The following SYK variants were observed in gnomAD, a reference collection of about 807,000 sequenced individuals.
The protein encoded by SYK is tyrosine-protein kinase SYK.
Under a neutral mutation model 77.8 loss-of-function variants are expected in SYK, and 16 were observed. The observed-to-expected ratio is 0.21, with a 90% CI of 0.14 to 0.31. The LOEUF is 0.31. Ranked by LOEUF, SYK falls within the 10% of genes least tolerant of loss-of-function variation. The pLI is 1.00. For synonymous variants in SYK, 312 were observed against 308.7 expected (o/e 1.01, Z -0.11); for missense variants, 529 against 814.4 (o/e 0.65, Z 4.26).
intron 3 of SYK, among the ~76,000 whole-genome samples, chr9:90,859,222 A>G (rs1353127676): frequency 6.6e-6 from 1 of 152,144 alleles, no homozygotes; most frequent in East Asian, 1.9e-4. Flanking sequence ...ACTCATACCC[A>G]TCTGTACAGC....
chr9:90,878,679 C>T lies in SYK; in HGVS notation c.1392-85C>T, dbSNP rs1291354007. The stretch of plus-strand genomic sequence containing the variant: ...TAAGAAGAGGGAAGGAGTAGATTCA[C>T]CCACTGCCTGCGTGAGGAGCATGGT... On this transcript the variant is annotated intron_variant, in intron 10 of 13. Coordinates refer to ENST00000375754, the MANE Select transcript of SYK (RefSeq NM_003177.7). The T allele has an allele frequency of 7.8e-6, 9 of 1,158,292 alleles. No individual in the cohort carries two copies. The East Asian group carries it at 1.4e-4, about 18-fold the overall frequency. 71.8% of individuals were successfully genotyped at this position (1,158,292 alleles called of 1,614,324 possible).
intron 11 of SYK, 39 bp from the exon 12 acceptor site, chr9:90,887,710 T>G: frequency 6.4e-7 from 1 of 1,573,130 alleles, no homozygotes; most frequent in Non-Finnish European, 8.7e-7. Flanking sequence ...GCCCACAATT[T>G]TATTCTTAAT....
chr9:90,829,028 C>A (rs894923507), intron 1 of SYK, among the ~76,000 whole-genome samples: 1 of 152,206 alleles, frequency 6.6e-6, no homozygotes, highest in South Asian at 2.1e-4. Flanking sequence ...CAGAGGCTCA[C>A]GCCTGTAATC....
chr9:90,818,349 C>T (rs1825372776), intron 1 of SYK, among the ~76,000 whole-genome samples: 1 of 152,146 alleles, frequency 6.6e-6, no homozygotes, highest in Admixed American at 6.5e-5. Context: ...TTCAGAATGA[C>T]CAAAAAAGTT....
At chr9:90,828,235 G>GCCCCCCCCCCCCCCCC (rs60327886) in intron 1 of SYK, among the ~76,000 whole-genome samples, 1 of 55,442 alleles carries the variant, frequency 1.8e-5, no homozygotes, top group Non-Finnish European at 3.7e-5. Context: ...CCTCACCCCC[G>GCCCCCCCCCCCCCCCC]CCCCCCCCCC....
At chr9:90,882,417 A>T (rs1175712702) in intron 11 of SYK, among the ~76,000 whole-genome samples, 1 of 152,190 alleles carries the variant, frequency 6.6e-6, no homozygotes, top group African/African-American at 2.4e-5. Flanking sequence ...TTTTCACTGA[A>T]ATCATGTCCC....
At chr9:90,845,038 C>G (rs1226502543) in intron 2 of SYK, among the ~76,000 whole-genome samples, 1 of 152,104 alleles carries the variant, frequency 6.6e-6, no homozygotes, top group Admixed American at 6.5e-5. Flanking sequence ...AAGGTTCAAG[C>G]GATTCTACTG....
intron 3 of SYK, among the ~76,000 whole-genome samples, chr9:90,859,016 G>C (rs1371882790): frequency 6.6e-6 from 1 of 152,194 alleles, no homozygotes; most frequent in Non-Finnish European, 1.5e-5. Context: ...GGCACTCTCT[G>C]TTTCCTCTGG....
intron 11 of SYK, among the ~76,000 whole-genome samples, chr9:90,881,906 T>A (rs115652389): frequency 4.1e-4 from 62 of 152,130 alleles, no homozygotes; most frequent in Admixed American, 1.2e-3. Flanking sequence ...ATCTGGAAAC[T>A]GCCTGACGAC....
intron 1 of SYK, among the ~76,000 whole-genome samples, chr9:90,818,075 C>T (rs534700171): frequency 6.6e-5 from 10 of 152,278 alleles, no homozygotes; most frequent in African/African-American, 2.4e-4. Context: ...AGCCAGTCCC[C>T]ACTAAGGGTC....
intron 7 of SYK, 80 bp downstream of exon 7, chr9:90,867,279 C>T (rs891062487): frequency 1.0e-5 from 14 of 1,405,628 alleles, no homozygotes; most frequent in Non-Finnish European, 1.4e-5. Flanking sequence ...CCAGTCTGCC[C>T]TGTGTGTGCG....
intron 3 of SYK, 35 bp from the exon 4 acceptor site, chr9:90,862,171 G>C (rs200780774): frequency 1.9e-6 from 3 of 1,562,780 alleles, no homozygotes; most frequent in Non-Finnish European, 2.6e-6. Context: ...AGACTGGCGG[G>C]CCTGGGGATG....
chr9:90,812,751 G>GTT (rs1554704345), intron 1 of SYK, among the ~76,000 whole-genome samples: 6 of 87,610 alleles, frequency 6.8e-5, no homozygotes, highest in Non-Finnish European at 7.9e-5. Context: ...ATGTGTGTGT[G>GTT]TGTGTGTGTG....
chr9:90,877,908 C>CCTGAGTATGGACCAATAA, intron 10 of SYK, 128 bp downstream of exon 10: 1 of 876,210 alleles, frequency 1.1e-6, no homozygotes, highest in Non-Finnish European at 1.8e-6. Flanking sequence ...TTTATTGGTC[C>CCTGAGTATGGACCAATAA]ATACTCAGGG....
Position 90,887,858 on chromosome 9 carries a change from A to C in SYK, c.1691A>C (p.Glu564Ala). ...DVWSFGVLMW[E>A]AFSYGQKPYR... ...TGGAGCTTTGGAGTGTTGATGTGGG[A>C]AGCATTCTCCTATGGGCAGAAGCCA... is the stretch of plus-strand genomic sequence containing the variant. Residue 564 changes from glutamate (E) to alanine (A), a missense_variant, in exon 12 of 14, where the codon GAA becomes GCA. Coordinates refer to ENST00000375754, the MANE Select transcript of SYK (RefSeq NM_003177.7). 1.2e-6 allele frequency: 2 copies of C among 1,612,296 alleles called. No individual in the cohort carries two copies. Among genetic ancestry groups the C allele is most frequent in the Non-Finnish European group, 1.7e-6 (2 of 1,179,166 alleles).
intron 13 of SYK, among the ~76,000 whole-genome samples, chr9:90,890,297 GC>G (rs1299964043): frequency 6.6e-6 from 1 of 152,174 alleles, no homozygotes; most frequent in African/African-American, 2.4e-5. Context: ...GATAGGGGCT[GC>G]TGGGCCGACC....
Position 90,884,583 on chromosome 9 carries a change from A to C in SYK, c.1582-3166A>C, listed in dbSNP as rs569329201. The stretch of plus-strand genomic sequence containing the variant: ...TATGTGTACATGTACATACATACAC[A>C]TACACATATGTGTACATGTACATAT... On this transcript the variant is annotated intron_variant, in intron 11 of 13. Transcript: ENST00000375754. 2.3e-5 allele frequency among the ~76,000 whole-genome samples: 2 copies of C among 87,974 alleles called. 1 individual carries two copies. The highest frequency in any genetic ancestry group is 4.5e-5 in the Non-Finnish European group (2 of 44,266). The allele number at this position is 87,974 out of a possible 152,430, so 57.7% of individuals were successfully genotyped here.
rs1432257441 is a variant in SYK, at chr9:90,865,107, A to T, written c.846+10A>T. 2 of 1,613,122 alleles carry T rather than the reference A, an allele frequency of 1.2e-6. No homozygotes were observed. On this transcript the variant is annotated intron_variant, in intron 6 of 13. Coordinates refer to ENST00000375754, the MANE Select transcript of SYK (RefSeq NM_003177.7). ...AGGTTCCCATCCTGCGGTAAGTGTC[A>T]CTAGGAATACCACTGAATGAGAAGC...
intron 1 of SYK, among the ~76,000 whole-genome samples, chr9:90,829,492 G>T (rs1019662171): frequency 6.6e-6 from 1 of 152,186 alleles, no homozygotes; most frequent in African/African-American, 2.4e-5. Context: ...AGAATCTGCA[G>T]GTGGCTTTGG....
Sources: gnomAD v4.1 joint callset for allele counts (sites outside exome capture counted in the v4.1 genomes callset) on GRCh38, gnomAD v4.1.1 for gene constraint, MANE v1.5 for transcripts, NCBI Gene and HGNC (gene_info 2026-07-23, HGNC 2026-07-21) for gene names.